The following ATP11C variants were observed in gnomAD, a reference collection of about 807,000 sequenced individuals.
ATP11C encodes ATPase phospholipid transporting 11C (ATP11C blood group).
A neutral mutation model predicts 97.4 loss-of-function variants in ATP11C; 36 were observed. The observed-to-expected ratio is 0.37, with a 90% CI of 0.28 to 0.49. The LOEUF (loss-of-function observed/expected upper bound fraction) is 0.49, where lower values mean the gene tolerates loss of function less well. ATP11C is among the 20% of genes least tolerant of loss of function. The pLI is 0.98. For missense variants in ATP11C, 730 were observed against 824.6 expected, an observed-to-expected ratio of 0.89 and a Z score of 1.40; for synonymous variants, 275 against 290.9, an observed-to-expected ratio of 0.95 and a Z score of 0.56.
intron 1 of ATP11C, among the ~76,000 whole-genome samples, chrX:139,921,434 C>T (rs941908152): frequency 9.0e-6 from 1 of 111,575 alleles, no homozygotes; most frequent in African/African-American, 3.3e-5. Context: ...TCCTAATTGC[C>T]TTCTGCCATG....
chrX:139,918,870 C>CA (rs1330854817), intron 1 of ATP11C, among the ~76,000 whole-genome samples: 1 of 110,623 alleles, frequency 9.0e-6, no homozygotes, highest in Non-Finnish European at 1.9e-5. Context: ...CTGTTGCATA[C>CA]AATGTGAATA....
At chrX:139,798,425 AT>A in intron 9 of ATP11C, 71 bp from the exon 10 acceptor site, 1 of 844,096 alleles carries the variant, frequency 1.2e-6, no homozygotes, top group Non-Finnish European at 1.7e-6. Context: ...GGCTCTATGA[AT>A]TTTTAAGTCT....
chrX:139,832,287 A>C, intron 1 of ATP11C: 1 of 1,151,592 alleles, frequency 8.7e-7, no homozygotes, highest in Non-Finnish European at 1.2e-6. Context: ...TGATCCTTGT[A>C]AAGTTTCCCA....
intron 1 of ATP11C, among the ~76,000 whole-genome samples, chrX:139,903,762 G>A (rs1166560163): frequency 1.8e-5 from 2 of 110,823 alleles, no homozygotes; most frequent in Admixed American, 9.7e-5. Flanking sequence ...GACTTACCAG[G>A]CTCTAGAACT....
chrX:139,748,095 C>T (rs1265542784), intron 24 of ATP11C, among the ~76,000 whole-genome samples: 1 of 112,077 alleles, frequency 8.9e-6, no homozygotes, highest in Non-Finnish European at 1.9e-5. Context: ...GTGTTCAGCA[C>T]AGCTCTGAAG....
At chrX:139,827,763 C>T (rs1358976539) in intron 1 of ATP11C, among the ~76,000 whole-genome samples, 1 of 111,214 alleles carries the variant, frequency 9.0e-6, no homozygotes, top group Non-Finnish European at 1.9e-5. Flanking sequence ...CAAAGATTTT[C>T]CTTCCTTTCA....
intron 1 of ATP11C, among the ~76,000 whole-genome samples, chrX:139,921,098 T>C (rs929193339): frequency 9.0e-6 from 1 of 111,128 alleles, no homozygotes; most frequent in African/African-American, 3.3e-5. Flanking sequence ...GAGGAACAAA[T>C]ATGAAAGTGG....
intron 1 of ATP11C, among the ~76,000 whole-genome samples, chrX:139,840,984 T>C (rs1274641157): frequency 9.0e-6 from 1 of 111,658 alleles, no homozygotes; most frequent in Non-Finnish European, 1.9e-5. Context: ...TGTAACCAAA[T>C]ACCACTTGTT....
intron 1 of ATP11C, among the ~76,000 whole-genome samples, chrX:139,869,621 A>G (rs867415821): frequency 2.8e-5 from 1 of 35,519 alleles, no homozygotes; most frequent in South Asian, 8.3e-4. Context: ...CTCTCTACTA[A>G]AAAAAAAAAA....
At chrX:139,785,828 T>A in intron 15 of ATP11C, among the ~76,000 whole-genome samples, 1 of 111,694 alleles carries the variant, frequency 9.0e-6, no homozygotes, top group East Asian at 2.8e-4. Context: ...GGAAGTCATC[T>A]GAAAGGAGGT....
chrX:139,832,194 A>G (rs1273786362), intron 1 of ATP11C: 1 of 1,205,925 alleles, frequency 8.3e-7, no homozygotes, highest in Non-Finnish European at 1.1e-6. Context: ...CTGCATACTG[A>G]CATGCAGAAA....
Position 139,741,121 on chromosome X carries a change from C to A in ATP11C, c.3031-27G>T, listed in dbSNP as rs772793430. On this transcript the variant is annotated intron_variant, in intron 26 of 29. Coordinates refer to ENST00000682941, the MANE Select transcript of ATP11C (RefSeq NM_001353812.2). ...TGAAAAGATACAACACAAAAGATTT[C>A]ACGACGGTTACGAATTGCACCAGGC... The A allele has an allele frequency of 1.1e-5, 11 of 1,001,325 alleles. 1 individual carries two copies. The highest frequency in any genetic ancestry group is 2.6e-4 in the Middle Eastern group (1 of 3,903). The allele number at this position is 1,001,325 out of a possible 1,213,427, so 82.5% of individuals were successfully genotyped here.
At chrX:139,875,419 CAAAAAAA>C (rs35815603) in intron 1 of ATP11C, among the ~76,000 whole-genome samples, 10 of 44,953 alleles carry the variant, frequency 2.2e-4, no homozygotes, top group South Asian at 1.1e-3. Context: ...CCCATCTCCA[CAAAAAAA>C]AAAAAAAAAA....
Position 139,745,778 on chromosome X carries a change from A to G in ATP11C, c.2908T>C (p.Phe970Leu), listed in dbSNP as rs777164604. The G allele has an allele frequency of 1.3e-5, 16 of 1,207,704 alleles. No individual in the cohort carries two copies. Among genetic ancestry groups the G allele is most frequent in the Non-Finnish European group, 1.8e-5 (16 of 893,633 alleles). Residue 970 changes from phenylalanine to leucine, a missense_variant, in exon 25 of 30, where the codon TTC (phenylalanine) becomes CTC (leucine). Physicochemically the swap from Phe to Leu is conservative, Grantham distance 22. Coordinates refer to ENST00000682941, the MANE Select transcript of ATP11C (RefSeq NM_001353812.2). ...TFLAAFEGTV[F>L]FFGTYFLFQT... ...AAAAGAAAGTAAGTCCCAAAGAAGAACACTGTCCCTTCAAAGGCAGCCAGA... is the reference window on the plus strand; with the variant it reads ...AAAAGAAAGTAAGTCCCAAAGAAGAGCACTGTCCCTTCAAAGGCAGCCAGA...
intron 1 of ATP11C, among the ~76,000 whole-genome samples, chrX:139,856,147 T>C (rs1262227896): frequency 4.4e-5 from 5 of 112,595 alleles, no homozygotes; most frequent in African/African-American, 1.6e-4. Context: ...GAGGCCCAGA[T>C]TGTCCCCTTT....
At chrX:139,820,150 C>T (rs1255457367) in intron 2 of ATP11C, among the ~76,000 whole-genome samples, 1 of 109,172 alleles carries the variant, frequency 9.2e-6, no homozygotes, top group African/African-American at 3.4e-5. Flanking sequence ...CTCACTACTG[C>T]ACTCCAGCCT....
At chrX:139,739,830 TAATC>T (rs2081520014) in intron 27 of ATP11C, among the ~76,000 whole-genome samples, 1 of 111,706 alleles carries the variant, frequency 9.0e-6, no homozygotes, top group African/African-American at 3.2e-5. Context: ...GGTATGTTCT[TAATC>T]AACTTTGAAT....
rs1226320264 is a variant in ATP11C, at chrX:139,757,813, G to T, written c.2695C>A (p.Gln899Lys). 1 of 1,182,919 alleles carries T rather than the reference G, an allele frequency of 8.5e-7. No individual in the cohort carries two copies. Among genetic ancestry groups the T allele is most frequent in the East Asian group, 3.0e-5 (1 of 33,502 alleles). ...GAATAACTTGAGAAACAAACCTGTTGTGAGAATCCACAGAAGAACTGGTAC... is the reference window on the plus strand; with the variant it reads ...GAATAACTTGAGAAACAAACCTGTTTTGAGAATCCACAGAAGAACTGGTAC... ...FLYQFFCGFSQQPLYDAAYLT... is the reference protein window; with the variant it reads ...FLYQFFCGFSKQPLYDAAYLT... The change falls in exon 23 of 30, where the codon CAA (glutamine) becomes AAA (lysine). Residue 899 changes from glutamine (Q) to lysine (K), a missense_variant. Gln to Lys is a moderately conservative substitution (Grantham distance 53). Transcript: ENST00000682941.
chrX:139,822,086 A>C (rs1380217992), intron 2 of ATP11C, among the ~76,000 whole-genome samples: 1 of 88,419 alleles, frequency 1.1e-5, no homozygotes, highest in Non-Finnish European at 2.8e-5. Context: ...CCTCTATGGC[A>C]AAAAAAAAAG....
Sources: allele counts gnomAD v4.1 joint callset (sites outside exome capture counted in the v4.1 genomes callset), GRCh38; gene constraint gnomAD v4.1.1; transcripts MANE v1.5; gene names NCBI Gene and HGNC (gene_info 2026-07-23, HGNC 2026-07-21).